Variants in KIAA2012 observed in about 807,000 individuals in gnomAD.
KIAA2012 encodes uncharacterized protein KIAA2012.
In KIAA2012, 125 loss-of-function variants were observed where a neutral mutation model predicts 150.6. The observed-to-expected ratio is 0.83, with a 90% CI of 0.72 to 0.96. KIAA2012 has a LOEUF of 0.96. Ranked by LOEUF, KIAA2012 falls within the 40% of genes least tolerant of loss-of-function variation. The pLI, the probability that KIAA2012 is intolerant of heterozygous loss-of-function variation, is 0.00. For missense variants in KIAA2012, 1,219 were observed against 1,354.9 expected, an observed-to-expected ratio of 0.90 and a Z score of 1.57; for synonymous variants, 462 against 504.7, an observed-to-expected ratio of 0.92 and a Z score of 1.13.
chr2:202,188,131 T>G (rs1407329974), intron 17 of KIAA2012, 21 bp from the exon 18 acceptor site: 1 of 1,535,734 alleles, frequency 6.5e-7, no homozygotes, highest in Non-Finnish European at 8.8e-7. Flanking sequence ...ATGGTCCCCT[T>G]CCTTGATTTT....
At chr2:202,113,472 C>CTT in intron 11 of KIAA2012, 26 bp downstream of exon 11, 1 of 1,459,702 alleles carries the variant, frequency 6.9e-7, no homozygotes, top group Non-Finnish European at 9.2e-7. Context: ...CCAGGGCAGC[C>CTT]TTGTTTTTTT....
At chr2:202,134,761 G>A (rs1338492126) in intron 12 of KIAA2012, among the ~76,000 whole-genome samples, 1 of 152,106 alleles carries the variant, frequency 6.6e-6, no homozygotes, top group African/African-American at 2.4e-5. Context: ...CACCATGTTG[G>A]CCAGGCTAGT....
chr2:202,117,857 A>T (rs373162316), intron 11 of KIAA2012, among the ~76,000 whole-genome samples: 2 of 152,200 alleles, frequency 1.3e-5, no homozygotes, highest in African/African-American at 4.8e-5. Context: ...CAGGATGGGG[A>T]TATGCACTGT....
rs528189149 is a variant in KIAA2012, at chr2:202,099,577, G to A, written c.829-36G>A. 1.5e-5 allele frequency: 23 copies of A among 1,505,260 alleles called. No homozygotes were observed. In the African/African-American group the frequency reaches 3.1e-4, roughly 20 times the overall value. The allele number at this position is 1,505,260 out of a possible 1,614,324, so 93.2% of individuals were successfully genotyped here. ...AAACCTGCTCTGCCCCTTTATGACA[G>A]CCTGTTTACAGGAATGTGTATCTGT... On this transcript the variant is annotated intron_variant, in intron 5 of 23. Coordinates refer to ENST00000498697, the MANE Select transcript of KIAA2012 (RefSeq NM_001277372.4).
chr2:202,110,583 T>A (rs1435886190), intron 10 of KIAA2012, among the ~76,000 whole-genome samples: 1 of 152,176 alleles, frequency 6.6e-6, no homozygotes, highest in Non-Finnish European at 1.5e-5. Context: ...GACATGTGTT[T>A]GGGGGACAGA....
intron 9 of KIAA2012, among the ~76,000 whole-genome samples, chr2:202,106,275 T>G (rs575324484): frequency 6.6e-6 from 1 of 152,378 alleles, no homozygotes; most frequent in Non-Finnish European, 1.5e-5. Context: ...GTTGCAGATG[T>G]AGAAAAGCGT....
chr2:202,196,735 G>A (rs1291097488), intron 21 of KIAA2012, 65 bp from the exon 22 acceptor site: 6 of 1,502,922 alleles, frequency 4.0e-6, no homozygotes, highest in Non-Finnish European at 5.3e-6. Context: ...TTTGAGAGTT[G>A]GATCCGAAAA....
intron 5 of KIAA2012, among the ~76,000 whole-genome samples, chr2:202,098,624 G>C (rs1689956340): frequency 1.3e-5 from 2 of 152,146 alleles, no homozygotes; most frequent in South Asian, 2.1e-4. Flanking sequence ...GCCTTGTTTT[G>C]GGTCCTGCTT....
intron 12 of KIAA2012, among the ~76,000 whole-genome samples, chr2:202,127,159 T>C (rs1202184947): frequency 6.6e-6 from 1 of 151,796 alleles, no homozygotes; most frequent in Non-Finnish European, 1.5e-5. Context: ...CTGAAACAAA[T>C]TTTCAAGCAA....
At chr2:202,146,758 G>A (rs1691311077) in intron 13 of KIAA2012, among the ~76,000 whole-genome samples, 1 of 151,738 alleles carries the variant, frequency 6.6e-6, no homozygotes, top group African/African-American at 2.4e-5. Context: ...ATGGTCATAC[G>A]ACCGCACTCC....
chr2:202,086,347 A>T (rs1320532173), intron 2 of KIAA2012, among the ~76,000 whole-genome samples: 2 of 152,104 alleles, frequency 1.3e-5, no homozygotes, highest in Non-Finnish European at 2.9e-5. Flanking sequence ...GCAAAGATTC[A>T]CAGAAAAGAA....
chr2:202,110,601 A>ATCTGTATATTGTATATATCTGTAT, intron 10 of KIAA2012, among the ~76,000 whole-genome samples: 1 of 152,330 alleles, frequency 6.6e-6, no homozygotes, highest in African/African-American at 2.4e-5. Context: ...AGATTGTATA[A>ATCTGTATATTGTATATATCTGTAT]AGAAAGAGGT....
chr2:202,130,286 G>A (rs1283553098), intron 12 of KIAA2012, among the ~76,000 whole-genome samples: 1 of 152,118 alleles, frequency 6.6e-6, no homozygotes, highest in Non-Finnish European at 1.5e-5. Flanking sequence ...TACACACTAG[G>A]AGTATTCACA....
chr2:202,154,489 C>G (rs1012955089), intron 13 of KIAA2012, among the ~76,000 whole-genome samples, 184 bp from the exon 14 acceptor site: 9 of 152,198 alleles, frequency 5.9e-5, no homozygotes, highest in African/African-American at 1.9e-4. Context: ...AATTAATAAA[C>G]AGTCTTGGGC....
chr2:202,196,186 C>CTTTTTTTTTTTTTTT (rs869092899), intron 21 of KIAA2012, among the ~76,000 whole-genome samples: 42 of 79,660 alleles, frequency 5.3e-4, no homozygotes, highest in Non-Finnish European at 7.0e-4. Flanking sequence ...CTTTTCTTTT[C>CTTTTTTTTTTTTTTT]TTTTTTTTTT....
intron 14 of KIAA2012, among the ~76,000 whole-genome samples, chr2:202,158,111 C>T (rs1574297241): frequency 6.6e-6 from 1 of 152,320 alleles, no homozygotes. Context: ...TCTCCTGCCT[C>T]AGCCTCCCAA....
At chr2:202,094,558 C>A (rs935998192) in intron 4 of KIAA2012, among the ~76,000 whole-genome samples, 1 of 151,584 alleles carries the variant, frequency 6.6e-6, no homozygotes, top group Non-Finnish European at 1.5e-5. Context: ...CTGGCTCTGT[C>A]ACCCAAGCTG....
intron 11 of KIAA2012, chr2:202,114,369 C>T (rs1690460508): frequency 6.0e-6 from 1 of 167,146 alleles, no homozygotes; most frequent in Non-Finnish European, 1.5e-5. Context: ...CCAAATTCAG[C>T]ATCAAAGAAC....
intron 12 of KIAA2012, chr2:202,135,998 A>G: frequency 3.0e-6 from 1 of 328,712 alleles, no homozygotes; most frequent in Non-Finnish European, 6.2e-6. Flanking sequence ...AAATTTAAAA[A>G]AAAAAAAAAT....
Sources: allele counts gnomAD v4.1 joint callset (sites outside exome capture counted in the v4.1 genomes callset), GRCh38; gene constraint gnomAD v4.1.1; transcripts MANE v1.5; gene names NCBI Gene and HGNC (gene_info 2026-07-23, HGNC 2026-07-21).